The following AGPAT4 variants were observed in gnomAD, a reference collection of about 807,000 sequenced individuals.
The protein encoded by AGPAT4 is 1-acylglycerol-3-phosphate O-acyltransferase 4, also known as 1-acyl-sn-glycerol-3-phosphate acyltransferase delta.
AGPAT4 carries 15 observed loss-of-function variants against 48.0 expected under a neutral mutation model. That is an observed-to-expected ratio of 0.31 (90% CI 0.21 to 0.48). The LOEUF is 0.48. AGPAT4 is among the 20% of genes least tolerant of loss of function. The pLI, the probability that AGPAT4 is intolerant of heterozygous loss-of-function variation, is 0.99. For synonymous variants in AGPAT4, 178 were observed against 198.7 expected, an observed-to-expected ratio of 0.90 and a Z score of 0.88; for missense variants, 314 against 482.5, an observed-to-expected ratio of 0.65 and a Z score of 3.27.
Position 161,146,411 on chromosome 6 carries a change from A to G in AGPAT4, c.843+113T>C. 1 of 952,764 alleles carries G rather than the reference A, an allele frequency of 1.0e-6. No homozygotes were observed. Among genetic ancestry groups the G allele is most frequent in the Non-Finnish European group, 1.6e-6 (1 of 622,260 alleles). The allele number at this position is 952,764 out of a possible 1,614,324, so 59.0% of individuals were successfully genotyped here. A position where few individuals can be genotyped will look rare whatever the true frequency, so the allele number is the denominator to read the frequency against. On this transcript the variant is annotated intron_variant, in intron 7 of 8. Transcript: ENST00000320285. This position sits in a 1 kb window ranked among gnomAD's most constrained non-coding sequence, Gnocchi z 7.1. Reference sequence around the variant, plus strand: ...AGGGTCAGCTCCAGACTCACTAATAACTGGCTCTGTGAGATCTCGCCCACC... The same window carrying G: ...AGGGTCAGCTCCAGACTCACTAATAGCTGGCTCTGTGAGATCTCGCCCACC...
rs752846812 is a variant in AGPAT4, at chr6:161,166,322, C to T, written c.274G>A (p.Val92Met). Residue 92 changes from valine to methionine, a missense_variant, in exon 3 of 9, where the codon GTG (valine) becomes ATG (methionine). Transcript: ENST00000320285. This position sits in a 1 kb window ranked among gnomAD's most constrained non-coding sequence, Gnocchi z 6.7. ...ATTTCAAACTTGTGGTTGAGAACCA[C>T]GATGGCATTTTCCTTCCCATACTTG... is the stretch of plus-strand genomic sequence containing the variant. Reference protein sequence around the residue: ...YLKYGKENAIVVLNHKFEIDF... With the variant: ...YLKYGKENAIMVLNHKFEIDF... The T allele has an allele frequency of 1.9e-6, 3 of 1,614,192 alleles. No homozygotes were observed. The highest frequency in any genetic ancestry group is 1.7e-5 in the Admixed American group (1 of 60,020).
intron 2 of AGPAT4, among the ~76,000 whole-genome samples, chr6:161,205,465 C>G (rs1386557905): frequency 6.6e-6 from 1 of 152,116 alleles, no homozygotes; most frequent in East Asian, 1.9e-4. Flanking sequence ...GGTCAAAAGC[C>G]TGAAAGAGCA....
chr6:161,236,763 G>A lies in AGPAT4; in HGVS notation c.-89-4461C>T, dbSNP rs1408257207. ...TACAAAAAAAAAAAAATAGCTGGAT[G>A]TGGTGGTGGGTGTCTGTAATCCCAG... On this transcript the variant is annotated intron_variant, in intron 1 of 8. Transcript: ENST00000320285. The surrounding 1 kb of genome is among the most constrained non-coding windows in gnomAD (Gnocchi z 5.0). 6.6e-6 allele frequency among the ~76,000 whole-genome samples: 1 copy of A among 151,786 alleles called. No homozygotes were observed. The highest frequency in any genetic ancestry group is 1.5e-5 in the Non-Finnish European group (1 of 67,950).
rs1583321034 is a variant in AGPAT4, at chr6:161,197,249, A to T, written c.179-30832T>A. ...TAATGGACAGTGAGCGCTTTCAGAG[A>T]GGGGCCAGGGCACGTAAGCCCTGAC... On this transcript the variant is annotated intron_variant, in intron 2 of 8. Coordinates refer to ENST00000320285, the MANE Select transcript of AGPAT4 (RefSeq NM_020133.3). The surrounding 1 kb of genome is among the most constrained non-coding windows in gnomAD (Gnocchi z 5.7). Among the ~76,000 whole-genome samples the T allele has an allele frequency of 6.6e-6, 1 of 152,124 alleles. No individual in the cohort carries two copies. Among genetic ancestry groups the T allele is most frequent in the African/African-American group, 2.4e-5 (1 of 41,422 alleles).
At chr6:161,210,541 G>C (rs1028993088) in intron 2 of AGPAT4, among the ~76,000 whole-genome samples, 7 of 152,064 alleles carry the variant, frequency 4.6e-5, no homozygotes, top group African/African-American at 1.7e-4. Flanking sequence ...ATTAGTTTAA[G>C]AAAACTAAAG....
At chr6:161,224,954 T>A (rs1461102790) in intron 2 of AGPAT4, among the ~76,000 whole-genome samples, 1 of 152,198 alleles carries the variant, frequency 6.6e-6, no homozygotes. Flanking sequence ...TAATCTTAAC[T>A]TCCTCGTAAA....
intron 2 of AGPAT4, among the ~76,000 whole-genome samples, chr6:161,205,410 C>T (rs538016400): frequency 2.0e-5 from 3 of 152,154 alleles, no homozygotes; most frequent in Non-Finnish European, 2.9e-5. Flanking sequence ...TGATGCTGAA[C>T]GATAACTCAG....
At chr6:161,248,221 C>G (rs946393772) in intron 1 of AGPAT4, among the ~76,000 whole-genome samples, 1 of 152,004 alleles carries the variant, frequency 6.6e-6, no homozygotes, top group African/African-American at 2.4e-5. Flanking sequence ...TATACACCAA[C>G]AATAGACAAG....
At position 161,164,339 on chromosome 6, in the gene AGPAT4, C is replaced by T. The variant is rs572247538; in HGVS notation, c.348+1909G>A. Among the ~76,000 whole-genome samples the T allele has an allele frequency of 1.3e-3, 198 of 152,334 alleles. No homozygotes were observed. Among genetic ancestry groups the T allele is most frequent in the Middle Eastern group, 0.01 (3 of 294 alleles). ...GCATCTGGGTGCTTCTCCAGCATCT[C>T]TGTGCATGACCCTGCTCTGCCAGCT... On this transcript the variant is annotated intron_variant, in intron 3 of 8. Coordinates refer to ENST00000320285, the MANE Select transcript of AGPAT4 (RefSeq NM_020133.3). This position sits in a 1 kb window ranked among gnomAD's most constrained non-coding sequence, Gnocchi z 7.4.
At chr6:161,163,446 T>C (rs1319702242) in intron 3 of AGPAT4, among the ~76,000 whole-genome samples, 1 of 152,000 alleles carries the variant, frequency 6.6e-6, no homozygotes, top group African/African-American at 2.4e-5. Flanking sequence ...TGCTGAACAA[T>C]GAATATAAGG....
chr6:161,222,212 T>A lies in AGPAT4; in HGVS notation c.178+9824A>T, dbSNP rs1781855435. Among the ~76,000 whole-genome samples the A allele has an allele frequency of 6.6e-6, 1 of 152,230 alleles. No homozygotes were observed. On this transcript the variant is annotated intron_variant, in intron 2 of 8. Transcript: ENST00000320285. This position sits in a 1 kb window ranked among gnomAD's most constrained non-coding sequence, Gnocchi z 5.9. The stretch of plus-strand genomic sequence containing the variant: ...AAAGGTGCTGATGAATTTCAGCACA[T>A]TTGATTTCACAATGGGCTCACTTTA...
Position 161,270,324 on chromosome 6 carries a change from G to A in AGPAT4, c.-90+3614C>T, listed in dbSNP as rs116455816. On this transcript the variant is annotated intron_variant, in intron 1 of 8. Transcript: ENST00000320285. The surrounding 1 kb of genome is among the most constrained non-coding windows in gnomAD (Gnocchi z 5.3). ...TGAAGCCAGGTTTCAGAGTTCCAGCGCTTCCTTTCCAAACTGATTCTCACA... is the reference window on the plus strand; with the variant it reads ...TGAAGCCAGGTTTCAGAGTTCCAGCACTTCCTTTCCAAACTGATTCTCACA... Among the ~76,000 whole-genome samples, 1,599 of 152,254 alleles carry A rather than the reference G, an allele frequency of 0.011. 27 individuals carry two copies. The highest frequency in any genetic ancestry group is 0.036 in the African/African-American group (1,505 of 41,538).
chr6:161,248,809 A>G (rs887118696), intron 1 of AGPAT4, among the ~76,000 whole-genome samples: 2 of 152,170 alleles, frequency 1.3e-5, no homozygotes, highest in Admixed American at 6.5e-5. Flanking sequence ...TCACAGTACT[A>G]TTAATAGAAA....
In AGPAT4 at chr6:161,229,769, C is replaced by T. The variant is rs73595085; in HGVS notation, c.178+2267G>A. 4.6e-3 allele frequency among the ~76,000 whole-genome samples: 699 copies of T among 152,232 alleles called. 6 individuals are homozygous for T. The highest frequency in any genetic ancestry group is 0.016 in the African/African-American group (676 of 41,536). On this transcript the variant is annotated intron_variant, in intron 2 of 8. Transcript: ENST00000320285. The surrounding 1 kb of genome is among the most constrained non-coding windows in gnomAD (Gnocchi z 6.0). ...AGGGAGGAATCTTCCCTTCCCGCTT[C>T]GGATTGTTTAAAAATGCTTCCACTA...
intron 1 of AGPAT4, among the ~76,000 whole-genome samples, chr6:161,239,906 A>G (rs867255759): frequency 3.3e-5 from 5 of 152,152 alleles, no homozygotes; most frequent in Admixed American, 2.6e-4. Context: ...ATTTCTGGCT[A>G]TCTTAAGGAC....
Position 161,272,433 on chromosome 6 carries a change from G to T in AGPAT4, c.-90+1505C>A, listed in dbSNP as rs185860396. Among the ~76,000 whole-genome samples, 3 of 152,226 alleles carry T rather than the reference G, an allele frequency of 2.0e-5. No individual in the cohort carries two copies. Among genetic ancestry groups the T allele is most frequent in the African/African-American group, 7.2e-5 (3 of 41,536 alleles). ...TATTTGGGATGCCCATCAGAAGAAT[G>T]GTATCCCTTATCAAACGCTTCCTTA... On this transcript the variant is annotated intron_variant, in intron 1 of 8. Coordinates refer to ENST00000320285, the MANE Select transcript of AGPAT4 (RefSeq NM_020133.3). This position sits in a 1 kb window ranked among gnomAD's most constrained non-coding sequence, Gnocchi z 4.2.
At position 161,233,816 on chromosome 6, in the gene AGPAT4, A is replaced by T. The variant is rs1313352384; in HGVS notation, c.-89-1514T>A. Among the ~76,000 whole-genome samples, 1 of 152,188 alleles carries T rather than the reference A, an allele frequency of 6.6e-6. No individual in the cohort carries two copies. Among genetic ancestry groups the T allele is most frequent in the East Asian group, 1.9e-4 (1 of 5,200 alleles). ...TTCGCAATGGGTTTATCGGGATGTAATCCCATCATAAATTGAGGGGCATCT... is the reference window on the plus strand; with the variant it reads ...TTCGCAATGGGTTTATCGGGATGTATTCCCATCATAAATTGAGGGGCATCT... On this transcript the variant is annotated intron_variant, in intron 1 of 8. Coordinates refer to ENST00000320285, the MANE Select transcript of AGPAT4 (RefSeq NM_020133.3). The surrounding 1 kb of genome is among the most constrained non-coding windows in gnomAD (Gnocchi z 5.4).
At chr6:161,182,155 C>T (rs1014628332) in intron 2 of AGPAT4, among the ~76,000 whole-genome samples, 6 of 151,902 alleles carry the variant, frequency 3.9e-5, no homozygotes, top group South Asian at 2.1e-4. Context: ...CCCAGCCCCT[C>T]GCCCCAGCAC....
chr6:161,179,634 C>T (rs899743481), intron 2 of AGPAT4, among the ~76,000 whole-genome samples: 4 of 152,172 alleles, frequency 2.6e-5, no homozygotes, highest in African/African-American at 7.2e-5. Context: ...TTTCTTCCGC[C>T]TCTGCCACCC....
Sources: allele counts gnomAD v4.1 joint callset (sites outside exome capture counted in the v4.1 genomes callset), GRCh38; gene constraint gnomAD v4.1.1; non-coding constraint Gnocchi (gnomAD v3.1); transcripts MANE v1.5; gene names NCBI Gene and HGNC (gene_info 2026-07-23, HGNC 2026-07-21).